Variants in ATM observed in about 807,000 individuals in gnomAD.
ATM encodes the protein serine-protein kinase ATM.
In ATM, 308 loss-of-function variants were observed where a neutral mutation model predicts 387.0. The observed-to-expected ratio is 0.80, with a 90% confidence interval of 0.73 to 0.87. The LOEUF (loss-of-function observed/expected upper bound fraction) is 0.87. Among genes scored for constraint, ATM ranks in the 40% least tolerant of loss-of-function variants. ATM has a pLI of 0.00. For synonymous variants in ATM, 1,156 were observed against 1,187.3 expected (o/e 0.97, Z 0.54); for missense variants, 3,312 against 3,560.9 (o/e 0.93, Z 1.78).
chr11:108,256,621 A>G (rs1278732751), intron 14 of ATM, among the ~76,000 whole-genome samples: 1 of 151,880 alleles, frequency 6.6e-6, no homozygotes, highest in African/African-American at 2.4e-5. Context: ...GCACCCATCA[A>G]CTCGTCATCT....
chr11:108,276,772 G>A (rs1259509819), intron 22 of ATM, among the ~76,000 whole-genome samples: 5 of 152,186 alleles, frequency 3.3e-5, no homozygotes, highest in East Asian at 1.9e-4. Context: ...AGATGGCAGC[G>A]GGAGCTCTTC....
In ATM at chr11:108,334,001, A is replaced by T. The variant is rs777010026; in HGVS notation, c.8010+33A>T. 10 of 1,535,120 alleles carry T rather than the reference A, an allele frequency of 6.5e-6. No individual in the cohort carries two copies. Among genetic ancestry groups the T allele is most frequent in the Non-Finnish European group, 8.1e-6 (9 of 1,110,640 alleles). ...GCAATTAACTCTTGATTTTTTTTAA[A>T]CTAAATTTTTTTTATTAGATTGAAC... On this transcript the variant is annotated intron_variant, in intron 54 of 62. Transcript: ENST00000675843.
chr11:108,299,633 A>G (rs2083310824), intron 33 of ATM, 81 bp from the exon 34 acceptor site: 2 of 1,383,908 alleles, frequency 1.4e-6, no homozygotes, highest in South Asian at 2.3e-5. Flanking sequence ...AAACAGCATT[A>G]TAGTTTTGAA....
intron 33 of ATM, 95 bp from the exon 34 acceptor site, chr11:108,299,619 A>G: frequency 1.5e-6 from 2 of 1,294,952 alleles, no homozygotes; most frequent in East Asian, 4.6e-5. Flanking sequence ...CTTGAAGTAC[A>G]GAAAAACAGC....
chr11:108,293,542 G>A, intron 31 of ATM, 65 bp downstream of exon 31: 2 of 1,363,880 alleles, frequency 1.5e-6, no homozygotes, highest in East Asian at 2.3e-5. Flanking sequence ...TCAAAAATCT[G>A]TAATGCTCTA....
chr11:108,307,632 G>C (rs1252954510), intron 37 of ATM, among the ~76,000 whole-genome samples: 2 of 152,164 alleles, frequency 1.3e-5, no homozygotes, highest in Non-Finnish European at 2.9e-5. Context: ...TGAGGACCTA[G>C]CACATAAAAG....
rs141439504 is a variant in ATM at position 108,302,253 on chromosome 11, G to T, written c.5319+464G>T. Among the ~76,000 whole-genome samples the T allele has an allele frequency of 3.3e-5, 5 of 152,214 alleles. No homozygotes were observed. In the East Asian group the frequency reaches 9.6e-4, roughly 29 times the overall value. On this transcript the variant is annotated intron_variant, in intron 35 of 62. Transcript: ENST00000675843. ...AATAAGGTTCCACTGTAAGTATTCTGTGAAGCATGTTTAAGAACACTTGTT... is the reference window on the plus strand; with the variant it reads ...AATAAGGTTCCACTGTAAGTATTCTTTGAAGCATGTTTAAGAACACTTGTT...
At chr11:108,251,119 G>GAC (rs754888752) in intron 10 of ATM, 47 bp downstream of exon 10, 9 of 1,608,912 alleles carry the variant, frequency 5.6e-6, no homozygotes, top group South Asian at 2.2e-5. Context: ...AACACACACA[G>GAC]ACACACACAC....
intron 56 of ATM, among the ~76,000 whole-genome samples, chr11:108,342,081 A>AT (rs1284707291): frequency 2.1e-4 from 31 of 150,348 alleles, no homozygotes; most frequent in Admixed American, 1.8e-3. Flanking sequence ...ACATTATGAG[A>AT]TTTTTTTTGC....
chr11:108,278,514 G>A (rs1399717902), intron 22 of ATM, among the ~76,000 whole-genome samples: 3 of 152,042 alleles, frequency 2.0e-5, no homozygotes, highest in African/African-American at 4.8e-5. Flanking sequence ...TAGTCCCTTT[G>A]TGTTGCTATA....
chr11:108,287,744 G>A (rs372641381), intron 27 of ATM, 29 bp downstream of exon 27: 3 of 1,465,826 alleles, frequency 2.0e-6, no homozygotes, highest in African/African-American at 1.4e-5. Context: ...TAGAGAACTA[G>A]CTCTAACTTC....
intron 59 of ATM, among the ~76,000 whole-genome samples, chr11:108,348,494 G>T (rs542156779): frequency 2.0e-5 from 3 of 151,448 alleles, no homozygotes; most frequent in East Asian, 3.9e-4. Context: ...AGAAAGTGAT[G>T]AATTTAGTTT....
At chr11:108,317,615 T>TTATA (rs376158749) in intron 43 of ATM, 94 bp downstream of exon 43, 3,291 of 214,660 alleles carry the variant, frequency 0.015, 75 homozygotes, top group African/African-American at 0.019. Context: ...AGGAGTTGTT[T>TTATA]TATATATATA....
chr11:108,354,578 T>G (rs1043212894), intron 60 of ATM, among the ~76,000 whole-genome samples: 10 of 152,196 alleles, frequency 6.6e-5, no homozygotes, highest in African/African-American at 2.4e-4. Flanking sequence ...TAATCAATAG[T>G]GTTGTGTTAT....
intron 8 of ATM, among the ~76,000 whole-genome samples, chr11:108,247,622 GT>G (rs1702048764): frequency 6.6e-6 from 1 of 152,086 alleles, no homozygotes; most frequent in Non-Finnish European, 1.5e-5. Flanking sequence ...TTGAGATGGA[GT>G]CTTGCTCTGT....
rs1163284087 is a variant in ATM at position 108,367,844 on chromosome 11, T to TA, written c.*2337dup. 1 of 207,568 alleles carries TA rather than the reference T, an allele frequency of 4.8e-6. No individual in the cohort carries two copies. Among genetic ancestry groups the TA allele is most frequent in the Admixed American group, 5.9e-5 (1 of 16,844 alleles). 12.9% of individuals were successfully genotyped at this position (207,568 alleles called of 1,614,324 possible). ...AACTTACCTTGGTGTATCTTTTTCT[T>TA]ACAAGCTGCCTAAATGAATATTTGG... On this transcript the variant is annotated 3_prime_UTR_variant, in exon 63 of 63. Coordinates refer to ENST00000675843, the MANE Select transcript of ATM (RefSeq NM_000051.4).
chr11:108,332,067 G>A (rs763674160), intron 52 of ATM, 30 bp downstream of exon 52: 100 of 1,610,136 alleles, frequency 6.2e-5, no homozygotes, highest in Non-Finnish European at 8.4e-5. Context: ...GTACCTTTTA[G>A]AAGTGTGATA....
Position 108,295,846 on chromosome 11 carries a change from C to T in ATM, c.4909+787C>T, listed in dbSNP as rs4988017. On this transcript the variant is annotated intron_variant, in intron 32 of 62. Coordinates refer to ENST00000675843, the MANE Select transcript of ATM (RefSeq NM_000051.4). ...TTTTTTGTATTTTTTTTAGTAGAGA[C>T]GGGGTTTCACCATGTTGGCCAGGGT... 165 of 151,932 alleles carry T rather than the reference C, an allele frequency of 1.1e-3. 1 individual carries two copies. The highest frequency in any genetic ancestry group is 1.6e-3 in the Non-Finnish European group (107 of 67,962). The allele number at this position is 151,932 out of a possible 1,614,324, so 9.4% of individuals were successfully genotyped here.
At chr11:108,242,871 C>G (rs1433523500) in intron 5 of ATM, among the ~76,000 whole-genome samples, 1 of 152,104 alleles carries the variant, frequency 6.6e-6, no homozygotes, top group Admixed American at 6.6e-5. Context: ...TCAGGAATCT[C>G]AGGTTTCCTG....
Sources: allele counts gnomAD v4.1 joint callset (sites outside exome capture counted in the v4.1 genomes callset), GRCh38; gene constraint gnomAD v4.1.1; transcripts MANE v1.5; gene names NCBI Gene and HGNC (gene_info 2026-07-23, HGNC 2026-07-21).